The following CLPSL1 variants were observed in gnomAD, a reference collection of about 807,000 sequenced individuals.
CLPSL1 encodes the protein colipase-like protein 1.
CLPSL1 carries 13 observed loss-of-function variants against 9.3 expected under a neutral mutation model. The observed-to-expected ratio is 1.40, with a 90% CI of 0.91 to 2.22. The LOEUF is 2.22. Among genes scored for constraint, CLPSL1 ranks in the 30% most tolerant of loss-of-function variants. The pLI is 0.00. For missense variants in CLPSL1, 164 were observed against 146.6 expected (o/e 1.12, Z -0.61); for synonymous variants, 58 against 56.9 (o/e 1.02, Z -0.08).
In CLPSL1 at chr6:35,781,099, G is replaced by C. The variant is rs773704584; in HGVS notation, c.-12G>C. The C allele has an allele frequency of 4.3e-6, 7 of 1,613,496 alleles. No homozygotes were observed. The highest frequency in any genetic ancestry group is 5.9e-6 in the Non-Finnish European group (7 of 1,179,674). On this transcript the variant is annotated 5_prime_UTR_variant, in exon 1 of 3. Coordinates refer to ENST00000373861, the MANE Select transcript of CLPSL1 (RefSeq NM_001010886.5). The stretch of plus-strand genomic sequence containing the variant: ...CGCTGGACCCTAGAAAAGCCACCAC[G>C]ACCTGTGGGCCATGATGCTACCCCA...
chr6:35,786,901 G>T (rs540749151), intron 1 of CLPSL1, 97 bp from the exon 2 acceptor site: 37 of 1,436,362 alleles, frequency 2.6e-5, no homozygotes, highest in Admixed American at 8.0e-5. Context: ...TGGGAGCAGA[G>T]TCTGGGGAGG....
chr6:35,789,881 A>G (rs1415571744), downstream of CLPSL1, among the ~76,000 whole-genome samples: 6 of 151,462 alleles, frequency 4.0e-5, no homozygotes, highest in Non-Finnish European at 8.8e-5. Context: ...GCAAGAGAGC[A>G]AGACCCTGTC....
intron 1 of CLPSL1, among the ~76,000 whole-genome samples, chr6:35,783,847 C>T (rs142926152): frequency 1.3e-5 from 2 of 150,936 alleles, no homozygotes; most frequent in Non-Finnish European, 2.9e-5. Context: ...TTTTGCTCAA[C>T]GTTTTTTCTG....
At chr6:35,793,210 G>A (rs1329266998) in intron 1 of CLPSL1, among the ~76,000 whole-genome samples, 1 of 152,208 alleles carries the variant, frequency 6.6e-6, no homozygotes, top group Non-Finnish European at 1.5e-5. Flanking sequence ...GATCACCTGA[G>A]GTAAGGAATT....
intron 2 of CLPSL1, 93 bp downstream of exon 2, chr6:35,787,213 T>C (rs1010318085): frequency 4.3e-6 from 6 of 1,409,146 alleles, no homozygotes; most frequent in African/African-American, 1.4e-5. Context: ...GAAGGGTAGG[T>C]GGGCGGAAAT....
At chr6:35,789,890 T>C (rs1421189734), downstream of CLPSL1, among the ~76,000 whole-genome samples, 3 of 142,562 alleles carry the variant, frequency 2.1e-5, no homozygotes, top group Non-Finnish European at 4.7e-5. Flanking sequence ...CAAGACCCTG[T>C]CTCAAAAAAA....
At chr6:35,788,888 G>C (rs1193670146), downstream of CLPSL1, among the ~76,000 whole-genome samples, 1 of 152,252 alleles carries the variant, frequency 6.6e-6, no homozygotes, top group Non-Finnish European at 1.5e-5. Flanking sequence ...ACATTTTGGA[G>C]TTAATTATTT....
chr6:35,793,588 C>G (rs1364287584), exon 2 of CLPSL1: 6 of 470,546 alleles, frequency 1.3e-5, no homozygotes, highest in Non-Finnish European at 2.6e-5. Flanking sequence ...AGGTCAAGAG[C>G]TACCAGCCAC....
At chr6:35,789,889 G>T (rs1430546913), downstream of CLPSL1, among the ~76,000 whole-genome samples, 1 of 144,566 alleles carries the variant, frequency 6.9e-6, no homozygotes, top group Non-Finnish European at 1.5e-5. Flanking sequence ...GCAAGACCCT[G>T]TCTCAAAAAA....
At chr6:35,784,395 G>A (rs1266007865) in intron 1 of CLPSL1, among the ~76,000 whole-genome samples, 1 of 152,154 alleles carries the variant, frequency 6.6e-6, no homozygotes, top group African/African-American at 2.4e-5. Context: ...TAATGTTAAT[G>A]CTGGAGGGGT....
chr6:35,783,279 G>A (rs1768002118), intron 1 of CLPSL1, among the ~76,000 whole-genome samples: 1 of 152,194 alleles, frequency 6.6e-6, no homozygotes, highest in Admixed American at 6.5e-5. Context: ...GGAAGGCCGA[G>A]GCAAGTGGAT....
chr6:35,785,868 T>C (rs1455129785), intron 1 of CLPSL1, among the ~76,000 whole-genome samples: 3 of 148,832 alleles, frequency 2.0e-5, no homozygotes, highest in Non-Finnish European at 3.0e-5. Context: ...GAGGATTGCT[T>C]GAACCTAGAG....
At chr6:35,787,190 C>T in intron 2 of CLPSL1, 70 bp downstream of exon 2, 1 of 1,550,472 alleles carries the variant, frequency 6.4e-7, no homozygotes, top group African/African-American at 1.3e-5. Flanking sequence ...GGCCCAGATT[C>T]CTGGGGAGGA....
downstream of CLPSL1, among the ~76,000 whole-genome samples, chr6:35,790,121 G>C (rs117731050): frequency 2.0e-5 from 3 of 152,224 alleles, no homozygotes; most frequent in East Asian, 1.9e-4. Context: ...GAGATGGGGA[G>C]GGGGAGATCT....
chr6:35,786,941 G>A, intron 1 of CLPSL1, 57 bp from the exon 2 acceptor site: 1 of 1,539,870 alleles, frequency 6.5e-7, no homozygotes, highest in Non-Finnish European at 8.7e-7. Context: ...CCCAGGCGGG[G>A]CGGCGAGGGC....
chr6:35,787,000 G>C lies in CLPSL1; in HGVS notation c.102G>C (p.Glu34Asp). 4.4e-6 allele frequency: 7 copies of C among 1,576,682 alleles called. No homozygotes were observed. Among genetic ancestry groups the C allele is most frequent in the Non-Finnish European group, 6.0e-6 (7 of 1,162,792 alleles). Residue 34 changes from glutamate to aspartate, a missense_variant and splice_region_variant, in exon 2 of 3, where the codon GAG becomes GAC. Transcript: ENST00000373861. ...SLSPTKYNLL[E>D]LKESCIRNQD... ...CGGTGCCGTGTCCCTCCCTGCAGGA[G>C]CTCAAGGAGTCTTGCATCCGGAACC...
chr6:35,781,812 C>T (rs527536788), intron 1 of CLPSL1, among the ~76,000 whole-genome samples: 1 of 149,550 alleles, frequency 6.7e-6, no homozygotes, highest in African/African-American at 2.5e-5. Context: ...GTGGGGCAAT[C>T]TCGGCTCACT....
downstream of CLPSL1, among the ~76,000 whole-genome samples, chr6:35,793,896 C>T (rs1372182675): frequency 1.3e-5 from 2 of 152,242 alleles, no homozygotes; most frequent in Non-Finnish European, 2.9e-5. Context: ...ATGATGGGCA[C>T]CTCAGTACTG....
At chr6:35,791,531 C>G (rs973350030), downstream of CLPSL1, among the ~76,000 whole-genome samples, 2 of 152,032 alleles carry the variant, frequency 1.3e-5, no homozygotes, top group Non-Finnish European at 2.9e-5. Context: ...TCACTTGAAC[C>G]CGGGAGGCGG....
Sources: allele counts gnomAD v4.1 joint callset (sites outside exome capture counted in the v4.1 genomes callset), GRCh38; gene constraint gnomAD v4.1.1; transcripts MANE v1.5; gene names NCBI Gene and HGNC (gene_info 2026-07-23, HGNC 2026-07-21).